The following KHDRBS3 variants were observed in gnomAD, a reference collection of about 807,000 sequenced individuals.
The protein encoded by KHDRBS3 is KH RNA binding domain containing, signal transduction associated 3.
KHDRBS3 carries 23 observed loss-of-function variants against 45.6 expected under a neutral mutation model. The ratio of observed to expected loss-of-function variants is 0.50; its 90% CI spans 0.36 to 0.72. The LOEUF is 0.72. Ranked by LOEUF, KHDRBS3 falls within the 30% of genes least tolerant of loss-of-function variation. KHDRBS3 has a pLI of 0.00. For synonymous variants in KHDRBS3, 162 were observed against 156.5 expected (o/e 1.04, Z -0.26); for missense variants, 352 against 424.8 (o/e 0.83, Z 1.51).
intron 7 of KHDRBS3, among the ~76,000 whole-genome samples, chr8:135,610,091 T>C (rs1462711671): frequency 2.6e-5 from 4 of 151,842 alleles, no homozygotes; most frequent in Admixed American, 2.6e-4. Flanking sequence ...TCTTCTGGTT[T>C]TTGATATTTG....
chr8:135,613,659 G>C (rs561975473), intron 7 of KHDRBS3, among the ~76,000 whole-genome samples: 1 of 151,816 alleles, frequency 6.6e-6, no homozygotes, highest in South Asian at 2.1e-4. Context: ...TGCAAGGACT[G>C]TGCGAGCAAA....
chr8:135,562,099 T>C (rs1454247489), intron 5 of KHDRBS3, among the ~76,000 whole-genome samples: 1 of 152,218 alleles, frequency 6.6e-6, no homozygotes, highest in African/African-American at 2.4e-5. Flanking sequence ...ATAATGTTTA[T>C]AAAGTCTACA....
At chr8:135,650,957 C>T (rs753896050), downstream of KHDRBS3, among the ~76,000 whole-genome samples, 4 of 152,150 alleles carry the variant, frequency 2.6e-5, no homozygotes, top group Non-Finnish European at 5.9e-5. Context: ...GGTAGGAAGA[C>T]AGTGATTAAA....
intron 2 of KHDRBS3, among the ~76,000 whole-genome samples, chr8:135,524,023 AT>A (rs150484899): frequency 0.03 from 4,416 of 149,286 alleles, 207 homozygotes; most frequent in African/African-American, 0.1. Context: ...GACTTATACT[AT>A]TTTTTTTTTG....
chr8:135,648,312 G>A (rs540823964), downstream of KHDRBS3, among the ~76,000 whole-genome samples: 7 of 151,830 alleles, frequency 4.6e-5, no homozygotes, highest in East Asian at 9.7e-4. Flanking sequence ...GTTTAATTGG[G>A]GCCAATTACT....
chr8:135,557,418 G>A (rs747804186), intron 4 of KHDRBS3, 30 bp from the exon 5 acceptor site: 4 of 1,489,790 alleles, frequency 2.7e-6, no homozygotes, highest in Non-Finnish European at 2.7e-6. Flanking sequence ...AATATGAAGT[G>A]AATTTTGCTA....
chr8:135,635,486 C>A (rs1563822444), intron 7 of KHDRBS3, among the ~76,000 whole-genome samples: 1 of 152,148 alleles, frequency 6.6e-6, no homozygotes, highest in Non-Finnish European at 1.5e-5. Context: ...CAGGTTCAAG[C>A]GATTCTCCTG....
At chr8:135,578,983 C>T (rs1306661025) in intron 5 of KHDRBS3, among the ~76,000 whole-genome samples, 1 of 151,802 alleles carries the variant, frequency 6.6e-6, no homozygotes, top group Non-Finnish European at 1.5e-5. Context: ...CTTAAAATTC[C>T]AATTATTTAT....
At chr8:135,544,134 C>T (rs748874289) in intron 3 of KHDRBS3, among the ~76,000 whole-genome samples, 6 of 152,102 alleles carry the variant, frequency 3.9e-5, no homozygotes, top group African/African-American at 1.2e-4. Context: ...TCTTAGTTCA[C>T]GCTCTAATAA....
At chr8:135,640,700 G>A (rs547601463) in intron 7 of KHDRBS3, among the ~76,000 whole-genome samples, 3 of 152,308 alleles carry the variant, frequency 2.0e-5, no homozygotes, top group South Asian at 4.1e-4. Context: ...CCTGGTGCCA[G>A]GAAGGGAAGC....
At chr8:135,615,566 C>T (rs191480641) in intron 7 of KHDRBS3, among the ~76,000 whole-genome samples, 82 of 152,138 alleles carry the variant, frequency 5.4e-4, no homozygotes, top group South Asian at 2.3e-3. Context: ...ATATCATTGA[C>T]GTCTCACAAT....
chr8:135,511,464 C>G (rs1054006545), intron 1 of KHDRBS3, among the ~76,000 whole-genome samples: 2 of 151,934 alleles, frequency 1.3e-5, no homozygotes, highest in Admixed American at 6.6e-5. Flanking sequence ...GTCATTTTCT[C>G]GTGTGTATGT....
At chr8:135,545,019 C>G (rs991473046) in intron 3 of KHDRBS3, among the ~76,000 whole-genome samples, 1 of 151,960 alleles carries the variant, frequency 6.6e-6, no homozygotes, top group African/African-American at 2.4e-5. Context: ...TAAGTGTTTC[C>G]TCTGCTCGGT....
intron 1 of KHDRBS3, among the ~76,000 whole-genome samples, chr8:135,501,526 A>C (rs1823734019): frequency 6.6e-6 from 1 of 152,252 alleles, no homozygotes; most frequent in Non-Finnish European, 1.5e-5. Flanking sequence ...ATACATTTGA[A>C]AGAACACGAA....
At chr8:135,601,083 G>T (rs1219789741) in intron 6 of KHDRBS3, among the ~76,000 whole-genome samples, 3 of 152,188 alleles carry the variant, frequency 2.0e-5, no homozygotes, top group African/African-American at 7.2e-5. Flanking sequence ...ATGGCTAGAG[G>T]CTCTGGAGAT....
intron 1 of KHDRBS3, among the ~76,000 whole-genome samples, chr8:135,489,707 T>C (rs1823044009): frequency 6.6e-6 from 1 of 151,806 alleles, no homozygotes; most frequent in African/African-American, 2.4e-5. Context: ...AAAGTAAAAC[T>C]AGAGTCAAAA....
chr8:135,588,665 A>C (rs1452902043), intron 6 of KHDRBS3, among the ~76,000 whole-genome samples: 3 of 152,134 alleles, frequency 2.0e-5, no homozygotes. Context: ...TTTATGAATA[A>C]CAAAACGCCC....
At chr8:135,486,891 A>G (rs1481719865) in intron 1 of KHDRBS3, among the ~76,000 whole-genome samples, 2 of 152,240 alleles carry the variant, frequency 1.3e-5, no homozygotes, top group East Asian at 3.9e-4. Context: ...ATATCTGATG[A>G]AAGATACGTG....
intron 7 of KHDRBS3, among the ~76,000 whole-genome samples, chr8:135,614,090 A>G (rs1829815719): frequency 6.6e-6 from 1 of 151,982 alleles, no homozygotes; most frequent in African/African-American, 2.4e-5. Flanking sequence ...ATTACAGTAT[A>G]AAACAAAAGT....
Sources: gnomAD v4.1 joint callset for allele counts (sites outside exome capture counted in the v4.1 genomes callset) on GRCh38, gnomAD v4.1.1 for gene constraint, MANE v1.5 for transcripts, NCBI Gene and HGNC (gene_info 2026-07-23, HGNC 2026-07-21) for gene names.